Variants in KRTAP12-2 observed in about 807,000 individuals in gnomAD.
The protein encoded by KRTAP12-2 is keratin associated protein 12-2, also known as keratin-associated protein 12-2.
For missense variants in KRTAP12-2, 166 were observed against 184.2 expected (o/e 0.90, Z 0.57); for synonymous variants, 73 against 83.9 (o/e 0.87, Z 0.71).
Position 44,666,422 on chromosome 21 carries a change from A to C in KRTAP12-2, c.*24T>G. 6.4e-7 allele frequency: 1 copy of C among 1,561,774 alleles called. No individual in the cohort carries two copies. On this transcript the variant is annotated 3_prime_UTR_variant, in exon 1 of 1. Coordinates refer to ENST00000360770, the MANE Select transcript of KRTAP12-2 (RefSeq NM_181684.3). ...CAGGTGTGGCCTCATCTGCACTGGG[A>C]GCAGCGGGTCTGGAGATTCATGCTC...
chr21:44,666,758 G>A lies in KRTAP12-2; in HGVS notation c.129C>T (p.Ser43=), dbSNP rs781936136. The A allele has an allele frequency of 9.9e-6, 16 of 1,613,782 alleles. No individual in the cohort carries two copies. Among genetic ancestry groups the A allele is most frequent in the Admixed American group, 6.7e-5 (4 of 60,006 alleles). Residue 43 remains serine, a synonymous_variant, in exon 1 of 1, where the codon TCC becomes TCT. Coordinates refer to ENST00000360770, the MANE Select transcript of KRTAP12-2 (RefSeq NM_181684.3). ...SCCVPVGCQS[S]VCVPVSFKPA... is the part of the protein sequence containing the mutation. ...GCTTGAAGCTCACGGGCACACACAC[G>A]GAGGACTGGCAGCCCACAGGCACAC...
Position 44,666,438 on chromosome 21 carries a change from A to T in KRTAP12-2, c.*8T>A. 1 of 1,569,730 alleles carries T rather than the reference A, an allele frequency of 6.4e-7. No homozygotes were observed. Among genetic ancestry groups the T allele is most frequent in the Non-Finnish European group, 8.7e-7 (1 of 1,155,884 alleles). On this transcript the variant is annotated 3_prime_UTR_variant, in exon 1 of 1. Coordinates refer to ENST00000360770, the MANE Select transcript of KRTAP12-2 (RefSeq NM_181684.3). ...TGCACTGGGAGCAGCGGGTCTGGAG[A>T]TTCATGCTCAGCAGCAGGAAGAGAT...
rs142306123 is a variant in KRTAP12-2 at position 44,666,427 on chromosome 21, C to G, written c.*19G>C. ...GTGGCCTCATCTGCACTGGGAGCAG[C>G]GGGTCTGGAGATTCATGCTCAGCAG... On this transcript the variant is annotated 3_prime_UTR_variant, in exon 1 of 1. Transcript: ENST00000360770. 1 of 1,562,746 alleles carries G rather than the reference C, an allele frequency of 6.4e-7. No individual in the cohort carries two copies. The highest frequency in any genetic ancestry group is 2.2e-5 in the East Asian group (1 of 44,490).
rs75799438 is a variant in KRTAP12-2 at position 44,666,571 on chromosome 21, C to T, written c.316G>A (p.Val106Met). 69,977 of 1,602,294 alleles carry T rather than the reference C, an allele frequency of 0.044. 1,758 individuals are homozygous for T. Among genetic ancestry groups the T allele is most frequent in the Middle Eastern group, 0.066 (399 of 6,036 alleles). The change falls in exon 1 of 1, where the codon GTG becomes ATG. Residue 106 changes from valine to methionine, a missense_variant. Coordinates refer to ENST00000360770, the MANE Select transcript of KRTAP12-2 (RefSeq NM_181684.3). ...AAPSCQSSLC[V>M]PVSCRPVVYA... ...ACGACAGGCCTGCAGCTCACAGGCA[C>T]GCACAGGGAGGACTGGCAGGAGGGG...
rs781894199 is a variant in KRTAP12-2, at chr21:44,666,434, G to A, written c.*12C>T. ...CATCTGCACTGGGAGCAGCGGGTCT[G>A]GAGATTCATGCTCAGCAGCAGGAAG... On this transcript the variant is annotated 3_prime_UTR_variant, in exon 1 of 1. Coordinates refer to ENST00000360770, the MANE Select transcript of KRTAP12-2 (RefSeq NM_181684.3). 4.5e-6 allele frequency: 7 copies of A among 1,568,284 alleles called. No homozygotes were observed. The Admixed American group carries it at 1.0e-4, about 23-fold the overall frequency.
the KRTAP12-2 span, chr21:44,666,617 G>T: frequency 6.2e-7 from 1 of 1,614,164 alleles, no homozygotes; most frequent in Non-Finnish European, 8.5e-7. Flanking sequence ...CAATGGGCCT[G>T]CAGCTCACAG....
At position 44,666,838 on chromosome 21, in the gene KRTAP12-2, G is replaced by A. The variant is rs1490876376; in HGVS notation, c.49C>T (p.Pro17Ser). The change falls in exon 1 of 1, where the codon CCC becomes TCC. Residue 17 changes from proline to serine, a missense_variant. Coordinates refer to ENST00000360770, the MANE Select transcript of KRTAP12-2 (RefSeq NM_181684.3). ...CAACAGGCTGGCTGGCAGGGGCTGG[G>A]CGCGCAGCAGGCTGGCTGGCAGCCC... ...SSGCQPACCA[P>S]SPCQPACCVP... The A allele has an allele frequency of 1.9e-6, 3 of 1,609,422 alleles. No homozygotes were observed. The highest frequency in any genetic ancestry group is 2.5e-6 in the Non-Finnish European group (3 of 1,176,950).
At position 44,666,504 on chromosome 21, in the gene KRTAP12-2, G is replaced by A; in HGVS notation, c.383C>T (p.Pro128Leu). ...PSCQSSGCCQ[P>L]SCTSVLCRPI... Reference sequence around the variant, plus strand: ...TCTGCAGAGGACGCTGGTGCAGGAGGGCTGGCAGCACCCAGAGGACTGGCA... The same window carrying A: ...TCTGCAGAGGACGCTGGTGCAGGAGAGCTGGCAGCACCCAGAGGACTGGCA... Residue 128 changes from proline to leucine, a missense_variant, in exon 1 of 1, where the codon CCC becomes CTC. Physicochemically the swap from Pro to Leu is moderately conservative, Grantham distance 98 (BLOSUM62 -3). Transcript: ENST00000360770. 1 of 1,612,056 alleles carries A rather than the reference G, an allele frequency of 6.2e-7. No homozygotes were observed. Among genetic ancestry groups the A allele is most frequent in the Non-Finnish European group, 8.5e-7 (1 of 1,178,744 alleles).
chr21:44,666,514 A>G lies in KRTAP12-2; in HGVS notation c.373T>C (p.Cys125Arg), dbSNP rs376181879. The G allele has an allele frequency of 2.2e-4, 354 of 1,612,812 alleles. No individual in the cohort carries two copies. The highest frequency in any genetic ancestry group is 2.8e-4 in the Non-Finnish European group (333 of 1,179,288). Reference sequence around the variant, plus strand: ...ACGCTGGTGCAGGAGGGCTGGCAGCACCCAGAGGACTGGCAGGACGGAGCC... The same window carrying G: ...ACGCTGGTGCAGGAGGGCTGGCAGCGCCCAGAGGACTGGCAGGACGGAGCC... Reference protein sequence around the residue: ...YAAPSCQSSGCCQPSCTSVLC... With the variant: ...YAAPSCQSSGRCQPSCTSVLC... The change falls in exon 1 of 1, where the codon TGC becomes CGC. Residue 125 changes from cysteine (C) to arginine (R), a missense_variant. Transcript: ENST00000360770.
Position 44,666,785 on chromosome 21 carries a change from G to A in KRTAP12-2, c.102C>T (p.Cys34=). 1.2e-6 allele frequency: 2 copies of A among 1,612,158 alleles called. No homozygotes were observed. The highest frequency in any genetic ancestry group is 8.5e-7 in the Non-Finnish European group (1 of 1,178,680). Residue 34 remains cysteine, a synonymous_variant, in exon 1 of 1, where the codon TGC becomes TGT. Coordinates refer to ENST00000360770, the MANE Select transcript of KRTAP12-2 (RefSeq NM_181684.3). ...CCVPSSCQAS[C]CVPVGCQSSV... ...AGGACTGGCAGCCCACAGGCACACA[G>A]CAGGATGCCTGGCAGGAGCTGGGCA...
Position 44,666,722 on chromosome 21 carries a change from G to C in KRTAP12-2, c.165C>G (p.Cys55Trp), listed in dbSNP as rs201037199. The C allele has an allele frequency of 9.1e-5, 147 of 1,613,510 alleles. No individual in the cohort carries two copies. The African/African-American group carries it at 1.6e-3, about 18-fold the overall frequency. The change falls in exon 1 of 1, where the codon TGC becomes TGG. Residue 55 changes from cysteine to tryptophan, a missense_variant. Coordinates refer to ENST00000360770, the MANE Select transcript of KRTAP12-2 (RefSeq NM_181684.3). Reference protein sequence around the residue: ...CVPVSFKPAVCLPVSCQSSVC... With the variant: ...CVPVSFKPAVWLPVSCQSSVC... The stretch of plus-strand genomic sequence containing the variant: ...CAGAAGACTGGCAGCTCACGGGCAG[G>C]CACACGGCTGGCTTGAAGCTCACGG...
At position 44,666,768 on chromosome 21, in the gene KRTAP12-2, C is replaced by A; in HGVS notation, c.119G>T (p.Cys40Phe). 1 of 1,612,274 alleles carries A rather than the reference C, an allele frequency of 6.2e-7. No homozygotes were observed. Residue 40 changes from cysteine to phenylalanine, a missense_variant, in exon 1 of 1, where the codon TGC becomes TTC. Physicochemically the swap from Cys to Phe is radical, Grantham distance 205. Transcript: ENST00000360770. ...CACGGGCACACACACGGAGGACTGG[C>A]AGCCCACAGGCACACAGCAGGATGC... ...CQASCCVPVG[C>F]QSSVCVPVSF...
At position 44,666,342 on chromosome 21, in the gene KRTAP12-2, C is replaced by T; in HGVS notation, c.*104G>A. On this transcript the variant is annotated 3_prime_UTR_variant, in exon 1 of 1. Coordinates refer to ENST00000360770, the MANE Select transcript of KRTAP12-2 (RefSeq NM_181684.3). ...AATTCAGAGGGTTCAACTGAGCATG[C>T]TTTTCACCTGCACCATGTGCAGAAG... is the stretch of plus-strand genomic sequence containing the variant. 7.7e-7 allele frequency: 1 copy of T among 1,307,096 alleles called. No individual in the cohort carries two copies. Among genetic ancestry groups the T allele is most frequent in the South Asian group, 1.4e-5 (1 of 69,172 alleles). 81.0% of individuals were successfully genotyped at this position (1,307,096 alleles called of 1,614,324 possible).
At position 44,666,777 on chromosome 21, in the gene KRTAP12-2, G is replaced by C. The variant is rs782806249; in HGVS notation, c.110C>G (p.Pro37Arg). The change falls in exon 1 of 1, where the codon CCT becomes CGT. Residue 37 changes from proline to arginine, a missense_variant. Pro to Arg is a moderately radical substitution (Grantham distance 103, BLOSUM62 -2). Transcript: ENST00000360770. ...ACACACGGAGGACTGGCAGCCCACA[G>C]GCACACAGCAGGATGCCTGGCAGGA... Reference protein sequence around the residue: ...PSSCQASCCVPVGCQSSVCVP... With the variant: ...PSSCQASCCVRVGCQSSVCVP... 5 of 1,612,462 alleles carry C rather than the reference G, an allele frequency of 3.1e-6. No homozygotes were observed. Among genetic ancestry groups the C allele is most frequent in the Non-Finnish European group, 2.5e-6 (3 of 1,178,880 alleles).
Position 44,666,530 on chromosome 21 carries a change from G to A in KRTAP12-2, c.357C>T (p.Ser119=). Residue 119 remains serine (S), a synonymous_variant, in exon 1 of 1, where the codon TCC becomes TCT. Coordinates refer to ENST00000360770, the MANE Select transcript of KRTAP12-2 (RefSeq NM_181684.3). ...GCTGGCAGCACCCAGAGGACTGGCA[G>A]GACGGAGCCGCATACACGACAGGCC... is the stretch of plus-strand genomic sequence containing the variant. ...SCRPVVYAAP[S]CQSSGCCQPS... 6.2e-7 allele frequency: 1 copy of A among 1,613,118 alleles called. No homozygotes were observed. Among genetic ancestry groups the A allele is most frequent in the Non-Finnish European group, 8.5e-7 (1 of 1,179,290 alleles).
chr21:44,666,826 G>A, the KRTAP12-2 span: 90 of 1,609,242 alleles, frequency 5.6e-5, no homozygotes, highest in Non-Finnish European at 7.4e-5. Context: ...CAGGCTGGCT[G>A]GCAGGGGCTG....
chr21:44,666,584 C>G lies in KRTAP12-2; in HGVS notation c.303G>C (p.Gln101His), dbSNP rs1985776054. The G allele has an allele frequency of 6.2e-7, 1 of 1,612,742 alleles. No homozygotes were observed. The highest frequency in any genetic ancestry group is 8.5e-7 in the Non-Finnish European group (1 of 1,178,898). ...RPIVCAAPSC[Q>H]SSLCVPVSCR... ...AGCTCACAGGCACGCACAGGGAGGACTGGCAGGAGGGGGCTGCACACACAA... is the reference window on the plus strand; with the variant it reads ...AGCTCACAGGCACGCACAGGGAGGAGTGGCAGGAGGGGGCTGCACACACAA... The change falls in exon 1 of 1, where the codon CAG becomes CAC. Residue 101 changes from glutamine to histidine, a missense_variant. Gln to His is a conservative substitution (Grantham distance 24). Coordinates refer to ENST00000360770, the MANE Select transcript of KRTAP12-2 (RefSeq NM_181684.3).
In KRTAP12-2 at chr21:44,666,483, C is replaced by A; in HGVS notation, c.404G>T (p.Cys135Phe). 1 of 1,605,052 alleles carries A rather than the reference C, an allele frequency of 6.2e-7. No individual in the cohort carries two copies. Among genetic ancestry groups the A allele is most frequent in the Non-Finnish European group, 8.5e-7 (1 of 1,175,286 alleles). ...CCQPSCTSVL[C>F]RPISYSISSC... Reference sequence around the variant, plus strand: ...AGAGATACTGTAGGAGATGGGTCTGCAGAGGACGCTGGTGCAGGAGGGCTG... The same window carrying A: ...AGAGATACTGTAGGAGATGGGTCTGAAGAGGACGCTGGTGCAGGAGGGCTG... The change falls in exon 1 of 1, where the codon TGC (cysteine) becomes TTC (phenylalanine). Residue 135 changes from cysteine to phenylalanine, a missense_variant. Coordinates refer to ENST00000360770, the MANE Select transcript of KRTAP12-2 (RefSeq NM_181684.3).
chr21:44,666,604 A>G lies in KRTAP12-2; in HGVS notation c.283T>C (p.Cys95Arg), dbSNP rs202056551. The G allele has an allele frequency of 7.8e-4, 1,253 of 1,613,460 alleles. 10 individuals are homozygous for G. Among genetic ancestry groups the G allele is most frequent in the Non-Finnish European group, 3.9e-4 (459 of 1,179,448 alleles). ...GAGGACTGGCAGGAGGGGGCTGCAC[A>G]CACAATGGGCCTGCAGCTCACAGGC... is the stretch of plus-strand genomic sequence containing the variant. ...CVPVSCRPIV[C>R]AAPSCQSSLC... Residue 95 changes from cysteine to arginine, a missense_variant, in exon 1 of 1, where the codon TGT becomes CGT. Coordinates refer to ENST00000360770, the MANE Select transcript of KRTAP12-2 (RefSeq NM_181684.3).
Sources: allele counts gnomAD v4.1 joint callset, GRCh38; gene constraint gnomAD v4.1.1; transcripts MANE v1.5; gene names NCBI Gene and HGNC (gene_info 2026-07-23, HGNC 2026-07-21).